Variants in DAB1 observed in about 807,000 individuals in gnomAD.
DAB1 encodes the protein DAB adaptor protein 1.
A neutral mutation model predicts 64.6 loss-of-function variants in DAB1; 15 were observed. That is an observed-to-expected ratio of 0.23 (90% CI 0.16 to 0.36). The LOEUF is 0.36. DAB1 is among the 10% of genes least tolerant of loss of function. The pLI is 1.00. For synonymous variants in DAB1, 235 were observed against 251.9 expected, an observed-to-expected ratio of 0.93 and a Z score of 0.64; for missense variants, 596 against 706.7, an observed-to-expected ratio of 0.84 and a Z score of 1.78.
At chr1:57,782,236 T>C (rs1650136700) in intron 6 of DAB1, among the ~76,000 whole-genome samples, 1 of 152,118 alleles carries the variant, frequency 6.6e-6, no homozygotes, top group Non-Finnish European at 1.5e-5. Flanking sequence ...ATCTTAAAAC[T>C]AGAGAATAAA....
At chr1:57,811,444 C>T (rs1207409540) in intron 6 of DAB1, among the ~76,000 whole-genome samples, 2 of 152,198 alleles carry the variant, frequency 1.3e-5, no homozygotes, top group Non-Finnish European at 2.9e-5. Flanking sequence ...CTGACTTCCC[C>T]TTTGCCTTCT....
chr1:57,914,190 C>A (rs1198491741), intron 5 of DAB1, among the ~76,000 whole-genome samples: 1 of 152,094 alleles, frequency 6.6e-6, no homozygotes, highest in Admixed American at 6.6e-5. Flanking sequence ...GACTTGGAAC[C>A]AACCCAAATG....
intron 3 of DAB1, among the ~76,000 whole-genome samples, chr1:58,423,843 G>C (rs1644795830): frequency 6.6e-6 from 1 of 152,170 alleles, no homozygotes; most frequent in African/African-American, 2.4e-5. Context: ...TTTTTGGCTT[G>C]TTTAACCTTG....
chr1:57,208,449 T>C (rs1181604826), intron 2 of DAB1, among the ~76,000 whole-genome samples: 1 of 152,166 alleles, frequency 6.6e-6, no homozygotes, highest in East Asian at 1.9e-4. Context: ...TTAGGTACCA[T>C]GGATCACACT....
intron 5 of DAB1, among the ~76,000 whole-genome samples, chr1:57,984,173 CTA>C (rs1646134463): frequency 9.6e-6 from 1 of 103,794 alleles, no homozygotes; most frequent in African/African-American, 4.0e-5. Flanking sequence ...GGGCCCAGGA[CTA>C]GCTTAAAAAA....
intron 6 of DAB1, among the ~76,000 whole-genome samples, chr1:57,720,337 G>C (rs1336049488): frequency 2.0e-5 from 3 of 152,192 alleles, no homozygotes; most frequent in African/African-American, 7.2e-5. Context: ...GTACTTGAGA[G>C]AGTTAAGATT....
At chr1:57,202,798 A>G (rs1436562977) in intron 2 of DAB1, among the ~76,000 whole-genome samples, 2 of 152,186 alleles carry the variant, frequency 1.3e-5, no homozygotes, top group East Asian at 3.9e-4. Flanking sequence ...TTCTTTAGTA[A>G]GTTCAGAGGA....
chr1:58,061,255 T>C (rs1648485844), intron 5 of DAB1, among the ~76,000 whole-genome samples: 1 of 152,200 alleles, frequency 6.6e-6, no homozygotes, highest in African/African-American at 2.4e-5. Flanking sequence ...CCCTCTGCTT[T>C]AGTATTCTAG....
At chr1:58,239,430 C>T (rs992169964) in intron 4 of DAB1, among the ~76,000 whole-genome samples, 3 of 152,144 alleles carry the variant, frequency 2.0e-5, no homozygotes, top group Non-Finnish European at 4.4e-5. Context: ...AATCCTACTT[C>T]CTAAAAAGAA....
At chr1:57,450,476 A>G (rs942248134) in intron 7 of DAB1, among the ~76,000 whole-genome samples, 12 of 152,232 alleles carry the variant, frequency 7.9e-5, no homozygotes, top group African/African-American at 2.7e-4. Flanking sequence ...TGTAGCTCTG[A>G]ATATGTCAAC....
chr1:57,656,180 A>T (rs2101661983), intron 6 of DAB1, among the ~76,000 whole-genome samples: 1 of 152,290 alleles, frequency 6.6e-6, no homozygotes, highest in Admixed American at 6.5e-5. Context: ...GAACCCAGCC[A>T]TGGTGCCACC....
chr1:57,978,054 C>CA (rs1320268993), intron 5 of DAB1, among the ~76,000 whole-genome samples: 4 of 151,876 alleles, frequency 2.6e-5, no homozygotes, highest in African/African-American at 7.3e-5. Context: ...CACAGAATTG[C>CA]AAAAAAATTA....
chr1:58,214,912 C>T (rs771535912), intron 4 of DAB1, among the ~76,000 whole-genome samples: 8 of 152,074 alleles, frequency 5.3e-5, no homozygotes, highest in African/African-American at 1.7e-4. Flanking sequence ...AAAATCTAAT[C>T]GCATGAGGTA....
chr1:57,055,144 C>A (rs1263833378), intron 9 of DAB1, among the ~76,000 whole-genome samples: 2 of 152,152 alleles, frequency 1.3e-5, no homozygotes, highest in Non-Finnish European at 2.9e-5. Flanking sequence ...AAAAATGTAC[C>A]TATGTGTTTA....
chr1:58,411,355 T>A (rs1644666581), intron 3 of DAB1, among the ~76,000 whole-genome samples: 1 of 152,182 alleles, frequency 6.6e-6, no homozygotes, highest in South Asian at 2.1e-4. Flanking sequence ...GTGGCTCAAT[T>A]TCCTCATATG....
intron 4 of DAB1, among the ~76,000 whole-genome samples, chr1:58,293,860 T>C (rs928913589): frequency 6.6e-6 from 1 of 152,212 alleles, no homozygotes; most frequent in African/African-American, 2.4e-5. Flanking sequence ...GATATTTTGG[T>C]GAAATCTGCT....
chr1:58,301,836 G>A (rs1662177812), intron 4 of DAB1, among the ~76,000 whole-genome samples: 1 of 152,140 alleles, frequency 6.6e-6, no homozygotes, highest in Non-Finnish European at 1.5e-5. Context: ...ATCCTCATCT[G>A]TAAAATAAGA....
intron 5 of DAB1, among the ~76,000 whole-genome samples, chr1:58,046,422 AAAG>A (rs1647259334): frequency 6.6e-6 from 1 of 152,178 alleles, no homozygotes; most frequent in Non-Finnish European, 1.5e-5. Context: ...ACATTTACAT[AAAG>A]AAGAACTTCT....
chr1:57,498,986 T>C (rs1644260462), intron 7 of DAB1, among the ~76,000 whole-genome samples: 1 of 152,062 alleles, frequency 6.6e-6, no homozygotes, highest in Admixed American at 6.6e-5. Context: ...TTTTGTTTTG[T>C]TTTGTTTTGA....
Sources: gnomAD v4.1 joint callset for allele counts (sites outside exome capture counted in the v4.1 genomes callset) on GRCh38, gnomAD v4.1.1 for gene constraint, MANE v1.5 for transcripts, NCBI Gene and HGNC (gene_info 2026-07-23, HGNC 2026-07-21) for gene names.